Variants in GPC4 observed in about 807,000 individuals in gnomAD.
GPC4 encodes the protein glypican-4.
GPC4 carries 10 observed loss-of-function variants against 35.0 expected under a neutral mutation model. The observed-to-expected ratio is 0.29, with a 90% CI of 0.18 to 0.48. The LOEUF is 0.48. GPC4 is among the 20% of genes least tolerant of loss of function. GPC4 has a pLI of 0.99. For synonymous variants in GPC4, 167 were observed against 170.2 expected (o/e 0.98, Z 0.15); for missense variants, 322 against 451.3 (o/e 0.71, Z 2.60).
At chrX:133,318,700 C>A (rs752591518) in intron 3 of GPC4, among the ~76,000 whole-genome samples, 1 of 112,313 alleles carries the variant, frequency 8.9e-6, no homozygotes, top group Non-Finnish European at 1.9e-5. Flanking sequence ...AAGACCACAA[C>A]AGACTTCATC....
chrX:133,405,617 T>A (rs2068784220), intron 1 of GPC4, among the ~76,000 whole-genome samples: 1 of 111,723 alleles, frequency 9.0e-6, no homozygotes, highest in Admixed American at 9.5e-5. Flanking sequence ...AACTGTCCTC[T>A]CTCACTTCTT....
intron 7 of GPC4, among the ~76,000 whole-genome samples, chrX:133,304,261 C>T (rs976416517): frequency 9.0e-6 from 1 of 110,940 alleles, no homozygotes; most frequent in Admixed American, 9.6e-5. Context: ...GATTGTGCCA[C>T]TACACTCCAG....
rs187089845 is a variant in GPC4 at position 133,380,285 on chromosome X, C to T, written c.160+34521G>A. On this transcript the variant is annotated intron_variant, in intron 1 of 8. Transcript: ENST00000370828. ...CCAGGAGGCGGAGGTTGCAGTGAGC[C>T]GAGATCGCATCACTGCACTCCAGCC... 7.5e-3 allele frequency among the ~76,000 whole-genome samples: 827 copies of T among 110,143 alleles called. 5 individuals are homozygous for T. Among genetic ancestry groups the T allele is most frequent in the Non-Finnish European group, 8.8e-3 (462 of 52,790 alleles).
chrX:133,411,884 T>C (rs2068814439), intron 1 of GPC4, among the ~76,000 whole-genome samples: 1 of 111,623 alleles, frequency 9.0e-6, no homozygotes, highest in African/African-American at 3.3e-5. Context: ...GTCAGCATGA[T>C]GTACTCCCTG....
At chrX:133,346,757 T>A (rs2068492708) in intron 1 of GPC4, among the ~76,000 whole-genome samples, 2 of 111,950 alleles carry the variant, frequency 1.8e-5, no homozygotes, top group African/African-American at 6.5e-5. Flanking sequence ...TTCGGATACA[T>A]GTTACAACAT....
intron 3 of GPC4, among the ~76,000 whole-genome samples, chrX:133,321,253 G>A (rs1408511307): frequency 2.7e-5 from 3 of 111,723 alleles, no homozygotes; most frequent in Non-Finnish European, 5.6e-5. Flanking sequence ...GTAGGGAGAC[G>A]CAGAACAAAG....
At chrX:133,354,646 G>A (rs1277541232) in intron 1 of GPC4, among the ~76,000 whole-genome samples, 2 of 105,857 alleles carry the variant, frequency 1.9e-5, no homozygotes, top group African/African-American at 7.1e-5. Flanking sequence ...TCGGCTCACT[G>A]CAAGCTCCGC....
intron 1 of GPC4, among the ~76,000 whole-genome samples, chrX:133,364,425 T>C: frequency 1.8e-5 from 2 of 112,010 alleles, no homozygotes; most frequent in South Asian, 7.5e-4. Context: ...ACACAAGTTA[T>C]TGGTCTCCAC....
intron 1 of GPC4, among the ~76,000 whole-genome samples, chrX:133,386,956 CCTCT>C (rs1192711129): frequency 1.8e-5 from 2 of 111,379 alleles, no homozygotes; most frequent in Non-Finnish European, 3.8e-5. Context: ...ATAGTCCCTC[CCTCT>C]GAGTGTTGAA....
intron 1 of GPC4, among the ~76,000 whole-genome samples, chrX:133,403,221 T>C (rs776034713): frequency 8.9e-6 from 1 of 112,349 alleles, no homozygotes; most frequent in African/African-American, 3.2e-5. Context: ...TATCTTAGCC[T>C]GTTTGGGCTG....
rs776095745 is a variant in GPC4, at chrX:133,339,277, G to A, written c.225C>T (p.Tyr75=). ...TGAAATCATCTTTACTTTGCAGGCT[G>A]TACTTCTCCTCCATCTCTTGAGAGC... ...TCCSQEMEEK[Y]SLQSKDDFKS... Residue 75 remains tyrosine (Y), a synonymous_variant, in exon 2 of 9, where the codon TAC becomes TAT. Transcript: ENST00000370828. The A allele has an allele frequency of 3.0e-5, 36 of 1,208,823 alleles. No homozygotes were observed. The highest frequency in any genetic ancestry group is 4.4e-5 in the Admixed American group (2 of 45,801).
chrX:133,333,244 T>C (rs773856096), intron 2 of GPC4, among the ~76,000 whole-genome samples: 1 of 112,100 alleles, frequency 8.9e-6, no homozygotes, highest in South Asian at 3.7e-4. Flanking sequence ...ACCAACAGAG[T>C]TGATAAAAGC....
intron 1 of GPC4, among the ~76,000 whole-genome samples, chrX:133,356,224 A>G (rs1390584939): frequency 1.8e-5 from 2 of 111,056 alleles, no homozygotes; most frequent in Admixed American, 1.9e-4. Flanking sequence ...TACTTAGTGA[A>G]TGGCCTGGAT....
intron 2 of GPC4, among the ~76,000 whole-genome samples, chrX:133,337,299 T>C (rs1316062362): frequency 8.9e-6 from 1 of 112,422 alleles, no homozygotes; most frequent in Non-Finnish European, 1.9e-5. Context: ...ATAAAGTTTC[T>C]CTGTATGGTT....
At chrX:133,409,315 T>C (rs1352751692) in intron 1 of GPC4, among the ~76,000 whole-genome samples, 3 of 57,504 alleles carry the variant, frequency 5.2e-5, no homozygotes, top group Non-Finnish European at 8.5e-5. Context: ...AGTGAGACCC[T>C]GCCTTAAAAA....
At chrX:133,364,030 G>T (rs754912941) in intron 1 of GPC4, among the ~76,000 whole-genome samples, 1 of 111,904 alleles carries the variant, frequency 8.9e-6, no homozygotes, top group African/African-American at 3.2e-5. Flanking sequence ...CTTATTTATG[G>T]TTGTATAATA....
In GPC4 at chrX:133,414,975, C is replaced by T. The variant is rs1217051453; in HGVS notation, c.-10G>A. 1.4e-5 allele frequency: 17 copies of T among 1,204,184 alleles called. No individual in the cohort carries two copies. The highest frequency in any genetic ancestry group is 1.7e-5 in the Non-Finnish European group (15 of 891,377). On this transcript the variant is annotated 5_prime_UTR_variant, in exon 1 of 9. Transcript: ENST00000370828. Reference sequence around the variant, plus strand: ...AGCCGAACCGTGCCATGGTGCGGGCCGGGGCGGACGCGTTCCCACCTTTGG... The same window carrying T: ...AGCCGAACCGTGCCATGGTGCGGGCTGGGGCGGACGCGTTCCCACCTTTGG...
At chrX:133,364,068 G>A (rs975974874) in intron 1 of GPC4, among the ~76,000 whole-genome samples, 1 of 111,827 alleles carries the variant, frequency 8.9e-6, no homozygotes, top group African/African-American at 3.2e-5. Context: ...GCCACATTTT[G>A]TTTATCTATT....
At chrX:133,410,563 A>G (rs993084285) in intron 1 of GPC4, among the ~76,000 whole-genome samples, 6 of 111,943 alleles carry the variant, frequency 5.4e-5, no homozygotes, top group Non-Finnish European at 1.1e-4. Context: ...CAGTGCTAAA[A>G]CAGTTAATGT....
Sources: gnomAD v4.1 joint callset for allele counts (sites outside exome capture counted in the v4.1 genomes callset) on GRCh38, gnomAD v4.1.1 for gene constraint, MANE v1.5 for transcripts, NCBI Gene and HGNC (gene_info 2026-07-23, HGNC 2026-07-21) for gene names.